KCNQ1: variants seen among roughly 807,000 people sequenced by gnomAD.
The protein encoded by KCNQ1 is potassium voltage-gated channel subfamily Q member 1, also known as potassium voltage-gated channel subfamily KQT member 1.
KCNQ1 carries 49 observed loss-of-function variants against 72.4 expected under a neutral mutation model. That is an observed-to-expected ratio of 0.68 (90% CI 0.54 to 0.86). The LOEUF is 0.86. Ranked by LOEUF, KCNQ1 falls within the 40% of genes least tolerant of loss-of-function variation. The pLI is 0.00. For missense variants in KCNQ1, 790 were observed against 945.1 expected (o/e 0.84, Z 2.15); for synonymous variants, 450 against 412.6 (o/e 1.09, Z -1.10).
In KCNQ1 at chr11:2,544,604, A is replaced by G. The variant is rs941555459; in HGVS notation, c.477+16586A>G. ...CTAAGTGTTTCATATTTTTTATGCT[A>G]TGGTCAATGGTATTTCTTCTAATCT... On this transcript the variant is annotated intron_variant, in intron 2 of 15. Coordinates refer to ENST00000155840, the MANE Select transcript of KCNQ1 (RefSeq NM_000218.3). The surrounding 1 kb of genome is among the most constrained non-coding windows in gnomAD (Gnocchi z 4.4). Among the ~76,000 whole-genome samples the G allele has an allele frequency of 2.6e-5, 4 of 152,198 alleles. No individual in the cohort carries two copies. The East Asian group carries it at 5.8e-4, about 22-fold the overall frequency.
At chr11:2,518,134 G>A (rs1223666025) in intron 1 of KCNQ1, among the ~76,000 whole-genome samples, 1 of 152,264 alleles carries the variant, frequency 6.6e-6, no homozygotes, top group Admixed American at 6.5e-5. Flanking sequence ...CTGGCACTGG[G>A]CCTTCGGAGG....
chr11:2,794,773 C>T (rs1199807582), intron 15 of KCNQ1, among the ~76,000 whole-genome samples: 1 of 152,132 alleles, frequency 6.6e-6, no homozygotes, highest in East Asian at 1.9e-4. Context: ...CCCCATCTCC[C>T]ACTTTCAGCT....
intron 6 of KCNQ1, among the ~76,000 whole-genome samples, chr11:2,574,314 G>A (rs73404683): frequency 0.054 from 8,271 of 152,268 alleles, 539 homozygotes; most frequent in African/African-American, 0.15. Flanking sequence ...GCCTGCCCCC[G>A]CGTCTGCCCT....
At chr11:2,696,995 A>G (rs1482701988) in intron 11 of KCNQ1, 3 of 398,226 alleles carry the variant, frequency 7.5e-6, no homozygotes, top group Non-Finnish European at 8.8e-6. Flanking sequence ...TAGCCCAGTA[A>G]TTTTCAAAGT....
Position 2,691,212 on chromosome 11 carries a change from T to G in KCNQ1, c.1514+29131T>G, listed in dbSNP as rs908516430. On this transcript the variant is annotated intron_variant, in intron 11 of 15. Transcript: ENST00000155840. This position sits in a 1 kb window ranked among gnomAD's most constrained non-coding sequence, Gnocchi z 6.4. ...TCAGCTGTGTTTAAAAATTAGCAAGTGGAGGAGTTAGAGGATCTGCAGTTA... is the reference window on the plus strand; with the variant it reads ...TCAGCTGTGTTTAAAAATTAGCAAGGGGAGGAGTTAGAGGATCTGCAGTTA... The G allele has an allele frequency of 4.0e-5, 16 of 398,374 alleles. No homozygotes were observed. Among genetic ancestry groups the G allele is most frequent in the Non-Finnish European group, 6.6e-5 (15 of 226,074 alleles). 24.7% of individuals were successfully genotyped at this position (398,374 alleles called of 1,614,324 possible).
At position 2,447,917 on chromosome 11, in the gene KCNQ1, C is replaced by T. The variant is rs974251998; in HGVS notation, c.386+2433C>T. ...TATCCTGTCCCCTCCTCGGGGAACCCCCCCTCCCCAGGAGAGCAGCTCTTC... is the reference window on the plus strand; with the variant it reads ...TATCCTGTCCCCTCCTCGGGGAACCTCCCCTCCCCAGGAGAGCAGCTCTTC... On this transcript the variant is annotated intron_variant, in intron 1 of 15. Transcript: ENST00000155840. This position sits in a 1 kb window ranked among gnomAD's most constrained non-coding sequence, Gnocchi z 7.6. 6.6e-6 allele frequency among the ~76,000 whole-genome samples: 1 copy of T among 152,188 alleles called. No individual in the cohort carries two copies. Among genetic ancestry groups the T allele is most frequent in the African/African-American group, 2.4e-5 (1 of 41,442 alleles).
intron 4 of KCNQ1, 98 bp from the exon 5 acceptor site, chr11:2,571,915 C>A: frequency 1.0e-6 from 1 of 967,938 alleles, no homozygotes; most frequent in Non-Finnish European, 1.6e-6. Context: ...CTGGGAGGGG[C>A]AGGGGCAGGG....
intron 10 of KCNQ1, chr11:2,660,922 C>G: frequency 2.5e-6 from 1 of 398,590 alleles, no homozygotes; most frequent in Non-Finnish European, 4.4e-6. Context: ...CTATAAGAGC[C>G]TGAATGTCCA....
At chr11:2,535,122 A>C (rs939274928) in intron 2 of KCNQ1, among the ~76,000 whole-genome samples, 1 of 152,194 alleles carries the variant, frequency 6.6e-6, no homozygotes, top group African/African-American at 2.4e-5. Flanking sequence ...CTTCTCACTC[A>C]TCTGTCCTGA....
intron 11 of KCNQ1, among the ~76,000 whole-genome samples, chr11:2,718,329 TG>T (rs1851133185): frequency 6.6e-6 from 1 of 152,192 alleles, no homozygotes; most frequent in South Asian, 2.1e-4. Context: ...AGCCCCAGAC[TG>T]GCTTCCCTGC....
chr11:2,733,108 C>T (rs1845881320), intron 11 of KCNQ1, among the ~76,000 whole-genome samples: 2 of 152,146 alleles, frequency 1.3e-5, no homozygotes, highest in African/African-American at 4.8e-5. Flanking sequence ...TAGGAGGCAT[C>T]ACCCAGCCTT....
intron 10 of KCNQ1, chr11:2,656,061 G>A (rs971157096): frequency 5.0e-6 from 2 of 398,538 alleles, no homozygotes; most frequent in Admixed American, 8.8e-5. Flanking sequence ...TTGGCCCTCA[G>A]GCTTTGGAGA....
At chr11:2,641,873 A>G (rs1849584403) in intron 10 of KCNQ1, 1 of 398,350 alleles carries the variant, frequency 2.5e-6, no homozygotes, top group Admixed American at 4.4e-5. Context: ...TCCCAGCTCC[A>G]TTAAGTGAAG....
In KCNQ1 at chr11:2,653,914, C is replaced by T; in HGVS notation, c.1394-8047C>T. On this transcript the variant is annotated intron_variant, in intron 10 of 15. Transcript: ENST00000155840. The surrounding 1 kb of genome is among the most constrained non-coding windows in gnomAD (Gnocchi z 5.3). ...CCTAAGGAAGATTTGAGAAGCTGTT[C>T]CCAGAAGCCAGGCCTGGCTGCTGGC... The T allele has an allele frequency of 2.5e-6, 1 of 398,702 alleles. No homozygotes were observed. Among genetic ancestry groups the T allele is most frequent in the Admixed American group, 4.4e-5 (1 of 22,744 alleles). 24.7% of individuals were successfully genotyped at this position (398,702 alleles called of 1,614,324 possible).
At chr11:2,554,099 C>T (rs994808932) in intron 2 of KCNQ1, among the ~76,000 whole-genome samples, 5 of 152,140 alleles carry the variant, frequency 3.3e-5, no homozygotes, top group South Asian at 4.1e-4. Context: ...CTCACGAGGG[C>T]GTCACCTGCC....
chr11:2,806,072 T>C (rs1847366376), intron 15 of KCNQ1, among the ~76,000 whole-genome samples: 1 of 152,192 alleles, frequency 6.6e-6, no homozygotes. Flanking sequence ...AAATGCCCCA[T>C]GTACAAGGTT....
rs1847850841 is a variant in KCNQ1, at chr11:2,826,825, G to C, written c.1795-20942G>C. Among the ~76,000 whole-genome samples, 1 of 152,224 alleles carries C rather than the reference G, an allele frequency of 6.6e-6. No individual in the cohort carries two copies. The highest frequency in any genetic ancestry group is 1.5e-5 in the Non-Finnish European group (1 of 68,032). On this transcript the variant is annotated intron_variant, in intron 15 of 15. Transcript: ENST00000155840. This position sits in a 1 kb window ranked among gnomAD's most constrained non-coding sequence, Gnocchi z 4.2. ...CTAACCACTTCCCCATATGCTCACAGCCAGAGAGACACACAGGCCAGCAGC... is the reference window on the plus strand; with the variant it reads ...CTAACCACTTCCCCATATGCTCACACCCAGAGAGACACACAGGCCAGCAGC...
chr11:2,587,754 G>A, intron 9 of KCNQ1, 62 bp downstream of exon 9: 17 of 1,609,644 alleles, frequency 1.1e-5, no homozygotes, highest in Non-Finnish European at 1.4e-5. Context: ...AGGCCGTGGG[G>A]GCCGCAGCAC....
intron 10 of KCNQ1, among the ~76,000 whole-genome samples, chr11:2,597,750 T>G (rs1461686048): frequency 1.3e-5 from 2 of 152,266 alleles, no homozygotes; most frequent in African/African-American, 4.8e-5. Flanking sequence ...ATATCTTTAG[T>G]AATTTCTTTT....
Sources: allele counts gnomAD v4.1 joint callset (sites outside exome capture counted in the v4.1 genomes callset), GRCh38; gene constraint gnomAD v4.1.1; non-coding constraint Gnocchi (gnomAD v3.1); transcripts MANE v1.5; gene names NCBI Gene and HGNC (gene_info 2026-07-23, HGNC 2026-07-21).